Variants in CNTN5 observed in about 807,000 individuals in gnomAD.
The protein encoded by CNTN5 is contactin-5.
Under a neutral mutation model 129.1 loss-of-function variants are expected in CNTN5, and 77 were observed. The ratio of observed to expected loss-of-function variants is 0.60; its 90% CI spans 0.50 to 0.72. The LOEUF (loss-of-function observed/expected upper bound fraction) is 0.72, where lower values mean the gene tolerates loss of function less well. Ranked by LOEUF, CNTN5 falls within the 30% of genes least tolerant of loss-of-function variation. The probability of loss-of-function intolerance (pLI) is 0.00; values close to 1 mark genes in which losing one functional copy is unlikely to be tolerated. For synonymous variants in CNTN5, 509 were observed against 465.6 expected, an observed-to-expected ratio of 1.09 and a Z score of -1.20; for missense variants, 1,478 against 1,328.8, an observed-to-expected ratio of 1.11 and a Z score of -1.75.
At chr11:100,220,932 A>G (rs1403811434) in intron 15 of CNTN5, among the ~76,000 whole-genome samples, 1 of 152,216 alleles carries the variant, frequency 6.6e-6, no homozygotes, top group Non-Finnish European at 1.5e-5. Flanking sequence ...TACACACAGG[A>G]AAGGAAGCAA....
intron 16 of CNTN5, among the ~76,000 whole-genome samples, chr11:100,251,263 G>A (rs774153614): frequency 7.9e-5 from 12 of 152,046 alleles, no homozygotes; most frequent in Admixed American, 1.3e-4. Flanking sequence ...GCTGAAGCTG[G>A]AGTCATCTGA....
At position 99,928,194 on chromosome 11, in the gene CNTN5, A is replaced by G. The variant is rs367944377; in HGVS notation, c.673+12045A>G. Among the ~76,000 whole-genome samples, 269 of 152,270 alleles carry G rather than the reference A, an allele frequency of 1.8e-3. 3 individuals carry two copies. Among genetic ancestry groups the G allele is most frequent in the South Asian group, 6.0e-3 (29 of 4,822 alleles). On this transcript the variant is annotated intron_variant, in intron 7 of 24. Transcript: ENST00000524871. ...GCAACTCCGCCCCTTACAGATTTGC[A>G]GGGTACAGCCCCCTCTCAGCTGCCT...
intron 3 of CNTN5, among the ~76,000 whole-genome samples, chr11:99,724,611 C>T (rs1483507767): frequency 1.3e-5 from 2 of 152,158 alleles, no homozygotes; most frequent in African/African-American, 4.8e-5. Context: ...GTCAAAGTCA[C>T]ACAGTTAGTG....
At chr11:99,900,081 A>G (rs1378597691) in intron 6 of CNTN5, among the ~76,000 whole-genome samples, 2 of 151,368 alleles carry the variant, frequency 1.3e-5, no homozygotes, top group Non-Finnish European at 2.9e-5. Context: ...TTCTGATTCT[A>G]CTTATTTGAG....
intron 2 of CNTN5, among the ~76,000 whole-genome samples, chr11:99,524,020 C>T (rs964396258): frequency 3.3e-5 from 5 of 151,746 alleles, no homozygotes; most frequent in Non-Finnish European, 7.4e-5. Context: ...TTTTTTCTGG[C>T]TGAAATTGGG....
chr11:99,763,066 T>G (rs1944639284), intron 3 of CNTN5, among the ~76,000 whole-genome samples: 1 of 152,252 alleles, frequency 6.6e-6, no homozygotes, highest in African/African-American at 2.4e-5. Context: ...GCTACGATTT[T>G]CCATCTCTCT....
chr11:100,069,839 A>T (rs886280371), intron 10 of CNTN5, among the ~76,000 whole-genome samples: 1 of 152,178 alleles, frequency 6.6e-6, no homozygotes, highest in African/African-American at 2.4e-5. Flanking sequence ...TTGTATCTTA[A>T]GATTTCATAT....
chr11:99,052,003 G>A (rs533397179), intron 1 of CNTN5, among the ~76,000 whole-genome samples: 1 of 151,922 alleles, frequency 6.6e-6, no homozygotes, highest in Admixed American at 6.6e-5. Context: ...AGAAAGTGTA[G>A]TTCAGTAGAG....
rs188535119 is a variant in CNTN5, at chr11:99,715,274, T to A, written c.56-104270T>A. Among the ~76,000 whole-genome samples, 650 of 152,016 alleles carry A rather than the reference T, an allele frequency of 4.3e-3. 6 individuals carry two copies. The highest frequency in any genetic ancestry group is 0.014 in the African/African-American group (566 of 41,508). On this transcript the variant is annotated intron_variant, in intron 3 of 24. Transcript: ENST00000524871. ...TCTGTAGTGGGAGAACTTATTTTTT[T>A]AAGACATTTTACATAAAATCTGAGT... is the stretch of plus-strand genomic sequence containing the variant.
intron 17 of CNTN5, among the ~76,000 whole-genome samples, chr11:100,264,551 G>C (rs577536069): frequency 6.6e-6 from 1 of 152,158 alleles, no homozygotes; most frequent in African/African-American, 2.4e-5. Context: ...TCCTGGCAAA[G>C]GATGTGAACT....
chr11:99,966,337 T>G (rs1322475643), intron 8 of CNTN5, among the ~76,000 whole-genome samples: 1 of 152,198 alleles, frequency 6.6e-6, no homozygotes, highest in Non-Finnish European at 1.5e-5. Context: ...GTAGGTAGTT[T>G]ATTTCAAATT....
In CNTN5 at chr11:99,256,233, A is replaced by G. The variant is rs551981499; in HGVS notation, c.-209-69113A>G. ...TCTATAGCTTTGATTTGTTTATTAT[A>G]TATCTGGACATCTAGACCCTTTATA... On this transcript the variant is annotated intron_variant, in intron 1 of 24. Transcript: ENST00000524871. Among the ~76,000 whole-genome samples the G allele has an allele frequency of 5.9e-5, 9 of 152,214 alleles. No individual in the cohort carries two copies. In the South Asian group the frequency reaches 1.9e-3, roughly 32 times the overall value.
chr11:99,980,638 G>A (rs1263438037), intron 8 of CNTN5, among the ~76,000 whole-genome samples: 1 of 152,114 alleles, frequency 6.6e-6, no homozygotes, highest in Non-Finnish European at 1.5e-5. Context: ...TTAAATAGCA[G>A]TTCCCAGTTG....
intron 1 of CNTN5, among the ~76,000 whole-genome samples, chr11:99,063,507 CATAA>C (rs67049549): frequency 0.018 from 2,648 of 148,758 alleles, 41 homozygotes; most frequent in African/African-American, 0.043. Context: ...ACTGAAAACT[CATAA>C]ATAAATAAAT....
chr11:100,292,828 T>G (rs1327306905), intron 18 of CNTN5, among the ~76,000 whole-genome samples: 1 of 151,948 alleles, frequency 6.6e-6, no homozygotes, highest in African/African-American at 2.4e-5. Context: ...CACTCTCAAT[T>G]CAGCATCTGA....
intron 1 of CNTN5, among the ~76,000 whole-genome samples, chr11:99,323,654 T>C (rs779857830): frequency 6.6e-5 from 10 of 152,082 alleles, no homozygotes; most frequent in African/African-American, 2.4e-4. Context: ...AAATTCTGAC[T>C]TCCAAAAACA....
chr11:99,058,181 A>G (rs1565282872), intron 1 of CNTN5, among the ~76,000 whole-genome samples: 1 of 152,026 alleles, frequency 6.6e-6, no homozygotes, highest in East Asian at 1.9e-4. Context: ...AAGAGTTTTG[A>G]GCATAGTAGG....
chr11:99,294,288 A>C (rs1169022260), intron 1 of CNTN5, among the ~76,000 whole-genome samples: 1 of 152,202 alleles, frequency 6.6e-6, no homozygotes, highest in Non-Finnish European at 1.5e-5. Context: ...CCACCAAATA[A>C]TTGTTAGAAC....
intron 2 of CNTN5, among the ~76,000 whole-genome samples, chr11:99,463,803 T>C (rs1944829372): frequency 6.6e-6 from 1 of 152,178 alleles, no homozygotes; most frequent in Non-Finnish European, 1.5e-5. Flanking sequence ...TAAGTATGTA[T>C]GTGTAAAGAC....
Sources: gnomAD v4.1 joint callset for allele counts (sites outside exome capture counted in the v4.1 genomes callset) on GRCh38, gnomAD v4.1.1 for gene constraint, MANE v1.5 for transcripts, NCBI Gene and HGNC (gene_info 2026-07-23, HGNC 2026-07-21) for gene names.